Variants in THSD7A observed in about 807,000 individuals in gnomAD.
THSD7A encodes thrombospondin type-1 domain-containing protein 7A.
Under a neutral mutation model 231.3 loss-of-function variants are expected in THSD7A, and 96 were observed. The observed-to-expected ratio is 0.41, with a 90% CI of 0.35 to 0.49. The LOEUF is 0.49. Ranked by LOEUF, THSD7A falls within the 20% of genes least tolerant of loss-of-function variation. The probability of loss-of-function intolerance (pLI) is 0.05; values close to 1 mark genes in which losing one functional copy is unlikely to be tolerated. For synonymous variants in THSD7A, 940 were observed against 743.3 expected, an observed-to-expected ratio of 1.26 and a Z score of -4.30; for missense variants, 2,290 against 2,070.2, an observed-to-expected ratio of 1.11 and a Z score of -2.06.
chr7:11,592,648 A>T (rs572972437), intron 3 of THSD7A, among the ~76,000 whole-genome samples: 1 of 152,258 alleles, frequency 6.6e-6, no homozygotes, highest in South Asian at 2.1e-4. Context: ...AAAAAACCCA[A>T]CCCTTTTCCC....
rs74801850 is a variant in THSD7A, at chr7:11,716,103, A to G, written c.191-79142T>C. On this transcript the variant is annotated intron_variant, in intron 1 of 27. Transcript: ENST00000423059. ...CAATTAGAACACTAAGTTAACATCA[A>G]TACTACTTACCCTTCTTTCTAGCCA... Among the ~76,000 whole-genome samples the G allele has an allele frequency of 7.8e-3, 1,182 of 151,656 alleles. 23 individuals carry two copies. Among genetic ancestry groups the G allele is most frequent in the African/African-American group, 0.027 (1,107 of 41,468 alleles).
At chr7:11,787,683 T>C (rs1223967337) in intron 1 of THSD7A, among the ~76,000 whole-genome samples, 1 of 152,060 alleles carries the variant, frequency 6.6e-6, no homozygotes, top group Non-Finnish European at 1.5e-5. Flanking sequence ...ACTAGGGAAC[T>C]GCAAATTAGA....
chr7:11,827,005 T>G (rs1252371528), intron 1 of THSD7A, among the ~76,000 whole-genome samples: 1 of 152,030 alleles, frequency 6.6e-6, no homozygotes, highest in African/African-American at 2.4e-5. Flanking sequence ...ATATTTTATT[T>G]ATTTAATTAA....
At chr7:11,826,076 T>TA (rs1562582524) in intron 1 of THSD7A, among the ~76,000 whole-genome samples, 2 of 152,104 alleles carry the variant, frequency 1.3e-5, no homozygotes, top group Admixed American at 6.5e-5. Context: ...TACACAAAAG[T>TA]AAAAAAAGAT....
intron 1 of THSD7A, among the ~76,000 whole-genome samples, chr7:11,704,839 T>C (rs1184648717): frequency 1.3e-5 from 2 of 150,978 alleles, no homozygotes; most frequent in Non-Finnish European, 3.0e-5. Flanking sequence ...TGCCAAGTTG[T>C]GTGGTGGTTT....
At chr7:11,495,789 C>T (rs1787071756) in intron 6 of THSD7A, among the ~76,000 whole-genome samples, 1 of 152,172 alleles carries the variant, frequency 6.6e-6, no homozygotes, top group Admixed American at 6.6e-5. Context: ...GAAGTCTTTA[C>T]CCTGAGGGTA....
Position 11,383,712 on chromosome 7 carries a change from ATGT to A in THSD7A, c.4412-1099_4412-1097del, listed in dbSNP as rs1278025926. On this transcript the variant is annotated intron_variant, in intron 23 of 27. Coordinates refer to ENST00000423059, the MANE Select transcript of THSD7A (RefSeq NM_015204.3). Reference sequence around the variant, plus strand: ...CTAAAGTTATTGAACAGTAACAAAAATGTTTCAGGACATTTGGATCTCCTGGTA... The same window carrying A: ...CTAAAGTTATTGAACAGTAACAAAAATTCAGGACATTTGGATCTCCTGGTA... The A allele has an allele frequency of 3.3e-5, 5 of 152,136 alleles. No individual in the cohort carries two copies. In the East Asian group the frequency reaches 9.6e-4, roughly 29 times the overall value. 9.4% of individuals were successfully genotyped at this position (152,136 alleles called of 1,614,324 possible).
chr7:11,564,119 T>C (rs900574451), intron 4 of THSD7A, among the ~76,000 whole-genome samples: 3 of 152,236 alleles, frequency 2.0e-5, no homozygotes, highest in African/African-American at 7.2e-5. Context: ...ATACACTGTA[T>C]ACATTATATA....
chr7:11,646,006 G>C (rs531237602), intron 1 of THSD7A, among the ~76,000 whole-genome samples: 1 of 151,902 alleles, frequency 6.6e-6, no homozygotes, highest in Non-Finnish European at 1.5e-5. Context: ...TTTGAGTAAA[G>C]TCTCATGCAA....
chr7:11,596,173 T>C lies in THSD7A; in HGVS notation c.1023-2671A>G, dbSNP rs528297344. ...AGAACACCACTACATTATGGACAAT[T>C]TATGCTGTTAATCTTTCTTCCATCC... On this transcript the variant is annotated intron_variant, in intron 2 of 27. Transcript: ENST00000423059. Among the ~76,000 whole-genome samples the C allele has an allele frequency of 5.3e-5, 8 of 152,266 alleles. No individual in the cohort carries two copies. In the South Asian group the frequency reaches 1.7e-3, roughly 32 times the overall value.
At chr7:11,465,354 C>A (rs1159919756) in intron 9 of THSD7A, among the ~76,000 whole-genome samples, 1 of 151,886 alleles carries the variant, frequency 6.6e-6, no homozygotes, top group Non-Finnish European at 1.5e-5. Context: ...AATAAGGGCA[C>A]CTGCCTGTGA....
intron 1 of THSD7A, among the ~76,000 whole-genome samples, chr7:11,702,625 G>T (rs921158275): frequency 4.0e-5 from 6 of 151,142 alleles, no homozygotes; most frequent in Non-Finnish European, 5.9e-5. Context: ...ACAAAAGTCC[G>T]CTCACAGCAG....
intron 1 of THSD7A, among the ~76,000 whole-genome samples, chr7:11,683,583 T>C (rs995203152): frequency 1.3e-5 from 2 of 152,068 alleles, no homozygotes; most frequent in African/African-American, 4.8e-5. Context: ...CCTCAGATTC[T>C]ACTATGAACA....
At position 11,637,718 on chromosome 7, in the gene THSD7A, A is replaced by G. The variant is rs1781923876; in HGVS notation, c.191-757T>C. ...TTATTTATTCATTTCTTAAACATGA[A>G]CTATTTGGTATTACAGAGCTGTTTG... On this transcript the variant is annotated intron_variant, in intron 1 of 27. Coordinates refer to ENST00000423059, the MANE Select transcript of THSD7A (RefSeq NM_015204.3). The surrounding 1 kb of genome is among the most constrained non-coding windows in gnomAD (Gnocchi z 4.2). 6.6e-6 allele frequency among the ~76,000 whole-genome samples: 1 copy of G among 152,154 alleles called. No individual in the cohort carries two copies. The highest frequency in any genetic ancestry group is 2.4e-5 in the African/African-American group (1 of 41,434).
rs987634601 is a variant in THSD7A, at chr7:11,523,206, G to T, written c.1822+18213C>A. Among the ~76,000 whole-genome samples the T allele has an allele frequency of 5.9e-5, 9 of 152,014 alleles. 1 individual carries two copies. Among genetic ancestry groups the T allele is most frequent in the Admixed American group, 2.6e-4 (4 of 15,264 alleles). ...TATATAAAAACGATTCAACAGCAGA[G>T]TCATAAATAAAAATCTGGCTTCCTG... On this transcript the variant is annotated intron_variant, in intron 6 of 27. Coordinates refer to ENST00000423059, the MANE Select transcript of THSD7A (RefSeq NM_015204.3).
chr7:11,655,590 C>A (rs1310404594), intron 1 of THSD7A, among the ~76,000 whole-genome samples: 1 of 151,696 alleles, frequency 6.6e-6, no homozygotes, highest in Non-Finnish European at 1.5e-5. Flanking sequence ...CTAGATTTTA[C>A]AATAATGTCA....
chr7:11,811,095 G>T (rs1327490098), intron 1 of THSD7A, among the ~76,000 whole-genome samples: 1 of 152,110 alleles, frequency 6.6e-6, no homozygotes, highest in African/African-American at 2.4e-5. Flanking sequence ...TGATGTTAAT[G>T]TTAAGGATAT....
intron 4 of THSD7A, among the ~76,000 whole-genome samples, chr7:11,571,911 G>A (rs991225775): frequency 6.6e-6 from 1 of 151,802 alleles, no homozygotes; most frequent in Middle Eastern, 3.4e-3. Context: ...CTGGTGGTTT[G>A]CTGAGCTTTG....
intron 23 of THSD7A, 85 bp downstream of exon 23, chr7:11,401,710 C>T (rs1783409719): frequency 2.2e-6 from 3 of 1,354,470 alleles, no homozygotes; most frequent in Middle Eastern, 5.4e-4. Flanking sequence ...CCGCACGTGG[C>T]CAACTTTGTT....
Sources: gnomAD v4.1 joint callset for allele counts (sites outside exome capture counted in the v4.1 genomes callset) on GRCh38, gnomAD v4.1.1 for gene constraint, Gnocchi (gnomAD v3.1) non-coding constraint, MANE v1.5 for transcripts, NCBI Gene and HGNC (gene_info 2026-07-23, HGNC 2026-07-21) for gene names.